Variants in OTOGL observed in about 807,000 individuals in gnomAD.
The protein encoded by OTOGL is otogelin-like protein.
In OTOGL, 285 loss-of-function variants were observed where a neutral mutation model predicts 318.5. That is an observed-to-expected ratio of 0.89 (90% CI 0.81 to 0.99). OTOGL has a LOEUF of 0.99. OTOGL is among the 50% of genes least tolerant of loss of function. OTOGL has a pLI of 0.00. For missense variants in OTOGL, 2,899 were observed against 2,845.6 expected, an observed-to-expected ratio of 1.02 and a Z score of -0.43; for synonymous variants, 987 against 936.5, an observed-to-expected ratio of 1.05 and a Z score of -0.99.
intron 1 of OTOGL, among the ~76,000 whole-genome samples, chr12:80,102,250 TTATC>T (rs1869184259): frequency 6.6e-6 from 1 of 152,340 alleles, no homozygotes; most frequent in South Asian, 2.1e-4. Context: ...ATCAGCTTAT[TTATC>T]TATCTATCTT....
At chr12:80,324,173 A>G (rs1887534161) in intron 35 of OTOGL, among the ~76,000 whole-genome samples, 1 of 152,214 alleles carries the variant, frequency 6.6e-6, no homozygotes, top group Admixed American at 6.5e-5. Context: ...TGTTACAGAG[A>G]AAAATAAAGG....
At chr12:80,199,245 C>T (rs1876297123) in intron 1 of OTOGL, among the ~76,000 whole-genome samples, 1 of 152,132 alleles carries the variant, frequency 6.6e-6, no homozygotes, top group Admixed American at 6.5e-5. Context: ...ACCTACCATG[C>T]TTTTTCCTTC....
chr12:80,103,403 T>C (rs1869262593), intron 1 of OTOGL: 1 of 749,938 alleles, frequency 1.3e-6, no homozygotes, highest in Admixed American at 2.2e-5. Flanking sequence ...CTTTTGACTG[T>C]GGCATCTTCT....
At chr12:80,112,672 T>C (rs111251686) in intron 1 of OTOGL, among the ~76,000 whole-genome samples, 4,450 of 151,852 alleles carry the variant, frequency 0.029, 216 homozygotes, top group African/African-American at 0.1. Flanking sequence ...ATTTTTGCAC[T>C]GATGTTCATT....
intron 27 of OTOGL, among the ~76,000 whole-genome samples, chr12:80,302,285 A>G (rs1018727628): frequency 1.3e-5 from 2 of 152,164 alleles, no homozygotes; most frequent in Non-Finnish European, 2.9e-5. Context: ...GTTCTGTCAT[A>G]TTTATTCATC....
chr12:80,139,462 C>G (rs1167051070), intron 1 of OTOGL, among the ~76,000 whole-genome samples: 3 of 152,102 alleles, frequency 2.0e-5, no homozygotes, highest in African/African-American at 7.2e-5. Context: ...TTTTTTGCAT[C>G]TTTTCTGTAT....
intron 14 of OTOGL, among the ~76,000 whole-genome samples, chr12:80,254,233 T>G (rs1038875990): frequency 2.0e-5 from 3 of 152,064 alleles, no homozygotes; most frequent in African/African-American, 7.2e-5. Context: ...TTTTAATACC[T>G]GTTGATCTTC....
Position 80,128,826 on chromosome 12 carries a change from G to A in OTOGL, c.-20+29221G>A, listed in dbSNP as rs185018423. On this transcript the variant is annotated intron_variant, in intron 1 of 58. Transcript: ENST00000547103. ...CAATGAGCGAGGCTTCGTAGGCATA[G>A]GACCCTCTGAGCCAGGTGCGGGATA... Among the ~76,000 whole-genome samples, 1,056 of 152,358 alleles carry A rather than the reference G, an allele frequency of 6.9e-3. 11 individuals carry two copies. The highest frequency in any genetic ancestry group is 0.011 in the Non-Finnish European group (720 of 68,050).
chr12:80,350,712 G>A (rs1486016243), intron 44 of OTOGL, among the ~76,000 whole-genome samples: 1 of 152,058 alleles, frequency 6.6e-6, no homozygotes. Flanking sequence ...TTTTTGAGAA[G>A]TATCTATTCA....
At chr12:80,308,932 G>A (rs1040928826) in intron 29 of OTOGL, among the ~76,000 whole-genome samples, 4 of 152,118 alleles carry the variant, frequency 2.6e-5, no homozygotes, top group Admixed American at 6.5e-5. Flanking sequence ...GTCCAGCTTC[G>A]GCTCGGCATC....
chr12:80,208,479 G>C (rs968204403), intron 1 of OTOGL, among the ~76,000 whole-genome samples: 1 of 152,176 alleles, frequency 6.6e-6, no homozygotes, highest in African/African-American at 2.4e-5. Flanking sequence ...TTTGATAATA[G>C]TGCAGTTAAC....
In OTOGL at chr12:80,199,787, C is replaced by G. The variant is rs547879383; in HGVS notation, c.-19-9626C>G. ...GCAGCTGCATGCAATGTAGCTCAAA[C>G]CAGGAGGAAAGCCAGATGCTGGATG... On this transcript the variant is annotated intron_variant, in intron 1 of 58. Transcript: ENST00000547103. Among the ~76,000 whole-genome samples the G allele has an allele frequency of 3.9e-5, 6 of 152,262 alleles. No homozygotes were observed. In the South Asian group the frequency reaches 1.0e-3, roughly 26 times the overall value.
In OTOGL at chr12:80,129,266, C is replaced by T. The variant is rs114868868; in HGVS notation, c.-20+29661C>T. Among the ~76,000 whole-genome samples the T allele has an allele frequency of 6.7e-3, 1,014 of 152,250 alleles. 13 individuals are homozygous for T. The highest frequency in any genetic ancestry group is 0.023 in the African/African-American group (954 of 41,554). On this transcript the variant is annotated intron_variant, in intron 1 of 58. Transcript: ENST00000547103. ...AGAGTGTAAGATTTGAATTAAAAACCGTTTTCTCTGTGTCTTGCTTCCATA... is the reference window on the plus strand; with the variant it reads ...AGAGTGTAAGATTTGAATTAAAAACTGTTTTCTCTGTGTCTTGCTTCCATA...
chr12:80,130,733 A>G (rs111727364), intron 1 of OTOGL, among the ~76,000 whole-genome samples: 4 of 152,354 alleles, frequency 2.6e-5, no homozygotes, highest in African/African-American at 9.6e-5. Context: ...CTGATTTGCC[A>G]GAGAGCAGTT....
At chr12:80,222,402 C>T (rs769046808) in intron 7 of OTOGL, among the ~76,000 whole-genome samples, 157 bp downstream of exon 7, 2 of 152,124 alleles carry the variant, frequency 1.3e-5, no homozygotes, top group African/African-American at 4.8e-5. Context: ...ATATTACTCA[C>T]ACTTCCTTCC....
At chr12:80,209,305 G>T in intron 1 of OTOGL, 108 bp from the exon 2 acceptor site, 1 of 563,120 alleles carries the variant, frequency 1.8e-6, no homozygotes, top group Non-Finnish European at 2.8e-6. Context: ...ATTCCTTTTT[G>T]AATTACTTTA....
At chr12:80,297,930 G>T (rs1885519248) in intron 27 of OTOGL, among the ~76,000 whole-genome samples, 1 of 152,150 alleles carries the variant, frequency 6.6e-6, no homozygotes, top group African/African-American at 2.4e-5. Flanking sequence ...TAAGCACCCT[G>T]TTAGAATGTG....
At chr12:80,363,712 C>A (rs542034237) in intron 52 of OTOGL, among the ~76,000 whole-genome samples, 44 of 152,192 alleles carry the variant, frequency 2.9e-4, no homozygotes, top group African/African-American at 9.9e-4. Context: ...TCATTCAGAG[C>A]TCCTCTTATT....
intron 27 of OTOGL, among the ~76,000 whole-genome samples, chr12:80,299,279 C>T (rs539013482): frequency 7.2e-5 from 11 of 152,176 alleles, no homozygotes; most frequent in African/African-American, 2.6e-4. Context: ...TCATAAGCAC[C>T]AACCAGATAT....
Sources: allele counts gnomAD v4.1 joint callset (sites outside exome capture counted in the v4.1 genomes callset), GRCh38; gene constraint gnomAD v4.1.1; transcripts MANE v1.5; gene names NCBI Gene and HGNC (gene_info 2026-07-23, HGNC 2026-07-21).